The following FHIT variants were observed in gnomAD, a reference collection of about 807,000 sequenced individuals.
FHIT encodes bis(5'-adenosyl)-triphosphatase.
In FHIT, 19 loss-of-function variants were observed where a neutral mutation model predicts 17.9. The observed-to-expected ratio is 1.06, with a 90% CI of 0.74 to 1.56. FHIT has a LOEUF of 1.56. FHIT is among the 40% of genes most tolerant of loss of function. The pLI is 0.00. For synonymous variants in FHIT, 81 were observed against 69.7 expected (o/e 1.16, Z -0.81); for missense variants, 248 against 189.2 (o/e 1.31, Z -1.82).
chr3:60,818,303 T>C (rs1701806075), intron 4 of FHIT, among the ~76,000 whole-genome samples: 1 of 152,186 alleles, frequency 6.6e-6, no homozygotes, highest in Non-Finnish European at 1.5e-5. Flanking sequence ...AGCGTGTAAT[T>C]TGGGGTTGTA....
At chr3:60,789,445 G>A (rs1467765293) in intron 4 of FHIT, among the ~76,000 whole-genome samples, 1 of 152,158 alleles carries the variant, frequency 6.6e-6, no homozygotes, top group Non-Finnish European at 1.5e-5. Context: ...TTGAACCCAG[G>A]AGACAGAGGT....
At chr3:60,347,677 G>GCA (rs68175233) in intron 5 of FHIT, among the ~76,000 whole-genome samples, 1 of 90,234 alleles carries the variant, frequency 1.1e-5, no homozygotes, top group Non-Finnish European at 2.0e-5. Context: ...CACTGGTTTG[G>GCA]GGGGGGGGGG....
At chr3:59,801,051 T>G (rs529908743) in intron 8 of FHIT, among the ~76,000 whole-genome samples, 99 of 152,184 alleles carry the variant, frequency 6.5e-4, no homozygotes, top group African/African-American at 2.4e-3. Context: ...AACTTGAACA[T>G]TAGACTTTTG....
chr3:60,567,082 C>T (rs1215947712), intron 4 of FHIT, among the ~76,000 whole-genome samples: 1 of 151,200 alleles, frequency 6.6e-6, no homozygotes, highest in Admixed American at 6.6e-5. Flanking sequence ...CTACCAATGA[C>T]TTTCTTCACA....
At chr3:60,441,258 T>C (rs2030772360) in intron 5 of FHIT, among the ~76,000 whole-genome samples, 1 of 152,098 alleles carries the variant, frequency 6.6e-6, no homozygotes, top group Non-Finnish European at 1.5e-5. Context: ...GATTCCTTCT[T>C]GGCTGTACTA....
chr3:60,420,274 T>G (rs949415767), intron 5 of FHIT, among the ~76,000 whole-genome samples: 5 of 152,190 alleles, frequency 3.3e-5, no homozygotes, highest in Non-Finnish European at 4.4e-5. Context: ...AGATATACAT[T>G]CTAATTCTTA....
rs115053011 is a variant in FHIT at position 60,509,614 on chromosome 3, T to C, written c.103+27246A>G. On this transcript the variant is annotated intron_variant, in intron 5 of 9. Transcript: ENST00000492590. ...ATTACAATGAAATGTTAACTATATC[T>C]GCTATTTTGCTATTCGCAAGTGACA... is the stretch of plus-strand genomic sequence containing the variant. Among the ~76,000 whole-genome samples the C allele has an allele frequency of 6.2e-3, 946 of 152,288 alleles. 17 individuals are homozygous for C. Among genetic ancestry groups the C allele is most frequent in the African/African-American group, 0.022 (914 of 41,592 alleles).
intron 4 of FHIT, among the ~76,000 whole-genome samples, chr3:60,723,112 C>A (rs1207207149): frequency 6.6e-6 from 1 of 152,164 alleles, no homozygotes. Context: ...CAGAGATGAG[C>A]ATGGATTGTA....
intron 4 of FHIT, among the ~76,000 whole-genome samples, chr3:60,695,876 T>C (rs1553700530): frequency 6.6e-6 from 1 of 152,208 alleles, no homozygotes; most frequent in East Asian, 1.9e-4. Flanking sequence ...AGAGTTAATA[T>C]TTGTTAGGTG....
intron 8 of FHIT, among the ~76,000 whole-genome samples, chr3:59,801,527 A>C (rs756988564): frequency 9.2e-4 from 140 of 152,316 alleles, no homozygotes; most frequent in Non-Finnish European, 1.7e-3. Flanking sequence ...AAGTGAAAAT[A>C]TAGACTTTAA....
intron 4 of FHIT, among the ~76,000 whole-genome samples, chr3:60,767,954 G>A (rs1180115479): frequency 2.6e-5 from 4 of 152,130 alleles, no homozygotes; most frequent in African/African-American, 9.7e-5. Flanking sequence ...GGCTTACTCT[G>A]GCTATCCCTG....
chr3:60,429,740 C>G (rs952032433), intron 5 of FHIT, among the ~76,000 whole-genome samples: 1 of 152,042 alleles, frequency 6.6e-6, no homozygotes, highest in African/African-American at 2.4e-5. Flanking sequence ...GAGAACCCTA[C>G]ATGTAATTTT....
At chr3:61,179,733 A>C (rs1466961085) in intron 2 of FHIT, among the ~76,000 whole-genome samples, 1 of 146,830 alleles carries the variant, frequency 6.8e-6, no homozygotes. Context: ...AAAAAAAAAA[A>C]CCACCCAAAA....
chr3:59,840,010 G>C (rs17061250), intron 8 of FHIT, among the ~76,000 whole-genome samples: 4,413 of 152,188 alleles, frequency 0.029, 210 homozygotes, highest in African/African-American at 0.1. Context: ...CTCACTTTTA[G>C]TTAAATCCCT....
At chr3:60,958,217 T>G (rs1709261402) in intron 3 of FHIT, among the ~76,000 whole-genome samples, 1 of 152,222 alleles carries the variant, frequency 6.6e-6, no homozygotes. Context: ...ATTTTCTCAA[T>G]ATACCTGTAT....
At chr3:60,796,458 G>A (rs782231120) in intron 4 of FHIT, among the ~76,000 whole-genome samples, 3 of 151,774 alleles carry the variant, frequency 2.0e-5, no homozygotes, top group African/African-American at 4.8e-5. Flanking sequence ...TCTTCTAAGC[G>A]AGGCTTTAGC....
intron 3 of FHIT, among the ~76,000 whole-genome samples, chr3:61,026,968 G>A (rs1053530807): frequency 7.9e-5 from 12 of 152,032 alleles, no homozygotes; most frequent in Admixed American, 4.6e-4. Context: ...TTGCATACCA[G>A]CTGTTAAACA....
At chr3:60,090,617 C>T (rs183986734) in intron 5 of FHIT, among the ~76,000 whole-genome samples, 94 of 152,254 alleles carry the variant, frequency 6.2e-4, no homozygotes, top group Non-Finnish European at 1.0e-3. Flanking sequence ...GAATGACCAA[C>T]GAAGTGAAGG....
rs367687047 is a variant in FHIT at position 60,749,003 on chromosome 3, G to C, written c.-18+72916C>G. Among the ~76,000 whole-genome samples the C allele has an allele frequency of 3.3e-5, 5 of 152,194 alleles. No individual in the cohort carries two copies. In the South Asian group the frequency reaches 6.2e-4, roughly 19 times the overall value. On this transcript the variant is annotated intron_variant, in intron 4 of 9. Transcript: ENST00000492590. ...CTGTTAATTGAACCTCAGATATGGA[G>C]GGGCAAATGTATAACTACCTTAGTA... is the stretch of plus-strand genomic sequence containing the variant.
Sources: allele counts gnomAD v4.1 joint callset (sites outside exome capture counted in the v4.1 genomes callset), GRCh38; gene constraint gnomAD v4.1.1; transcripts MANE v1.5; gene names NCBI Gene and HGNC (gene_info 2026-07-23, HGNC 2026-07-21).